SYNE3: variants seen among roughly 807,000 people sequenced by gnomAD.
SYNE3 encodes the protein spectrin repeat containing nuclear envelope family member 3.
In SYNE3, 100 loss-of-function variants were observed where a neutral mutation model predicts 111.2. That is an observed-to-expected ratio of 0.90 (90% CI 0.77 to 1.06). SYNE3 has a LOEUF of 1.06. SYNE3 is among the 50% of genes least tolerant of loss of function. SYNE3 has a pLI of 0.00. For synonymous variants in SYNE3, 547 were observed against 533.9 expected, an observed-to-expected ratio of 1.02 and a Z score of -0.34; for missense variants, 1,160 against 1,240.3, an observed-to-expected ratio of 0.94 and a Z score of 0.97.
rs1253324590 is a variant in SYNE3 at position 95,443,069 on chromosome 14, A to G, written c.1911+86T>C. 8 of 1,520,222 alleles carry G rather than the reference A, an allele frequency of 5.3e-6. No homozygotes were observed. The East Asian group carries it at 1.6e-4, about 30-fold the overall frequency. The allele number at this position is 1,520,222 out of a possible 1,614,324, so 94.2% of individuals were successfully genotyped here. ...AAGAGAGGTTAGAAGGAATGAAGGC[A>G]GGAAAGGGGAAGAAAGGCCCCAGGC... On this transcript the variant is annotated intron_variant, in intron 11 of 17. Transcript: ENST00000682763.
chr14:95,443,435 C>T, intron 10 of SYNE3, 146 bp from the exon 11 acceptor site: 3 of 1,010,026 alleles, frequency 3.0e-6, no homozygotes, highest in Non-Finnish European at 4.2e-6. Context: ...AGCGGAAGTA[C>T]CAACCACATG....
At position 95,410,697 on chromosome 14, in the gene SYNE3, G is replaced by A. The variant is rs1047186490; in HGVS notation, c.*7129C>T. The A allele has an allele frequency of 3.3e-5, 5 of 152,246 alleles. No individual in the cohort carries two copies. The highest frequency in any genetic ancestry group is 1.2e-4 in the African/African-American group (5 of 41,450). The allele number at this position is 152,246 out of a possible 1,614,324, so 9.4% of individuals were successfully genotyped here. A position where few individuals can be genotyped will look rare whatever the true frequency, so the allele number is the denominator to read the frequency against. ...CGCCTATATCTAGACTTCTCAGGAG[G>A]AGAGAAAAGTAAAGTCTCTGACTGG... On this transcript the variant is annotated 3_prime_UTR_variant, in exon 18 of 18. Transcript: ENST00000682763.
At chr14:95,457,673 A>G (rs564925541) in intron 4 of SYNE3, among the ~76,000 whole-genome samples, 1 of 152,308 alleles carries the variant, frequency 6.6e-6, no homozygotes, top group Admixed American at 6.5e-5. Context: ...GACTACTACT[A>G]CATCACACTG....
intron 1 of SYNE3, among the ~76,000 whole-genome samples, chr14:95,512,921 C>T (rs767120630): frequency 1.3e-5 from 2 of 152,120 alleles, no homozygotes; most frequent in African/African-American, 2.4e-5. Flanking sequence ...TACCACTGGA[C>T]TGAAGAAACA....
rs559456329 is a variant in SYNE3 at position 95,415,405 on chromosome 14, T to G, written c.*2421A>C. On this transcript the variant is annotated 3_prime_UTR_variant, in exon 18 of 18. Coordinates refer to ENST00000682763, the MANE Select transcript of SYNE3 (RefSeq NM_152592.6). ...GCCTGCAGAGAACGGCCCTATGGCT[T>G]GGTTTCCAGATATCTGGAGAAAAGT... 4 of 152,280 alleles carry G rather than the reference T, an allele frequency of 2.6e-5. No homozygotes were observed. The highest frequency in any genetic ancestry group is 9.6e-5 in the African/African-American group (4 of 41,564). The allele number at this position is 152,280 out of a possible 1,614,324, so 9.4% of individuals were successfully genotyped here.
chr14:95,480,225 C>T (rs973315737), intron 1 of SYNE3, among the ~76,000 whole-genome samples: 9 of 152,134 alleles, frequency 5.9e-5, no homozygotes, highest in African/African-American at 1.7e-4. Flanking sequence ...GGGCTCTAGG[C>T]GTGTCTCTGA....
chr14:95,479,450 G>C (rs192581124), intron 1 of SYNE3, among the ~76,000 whole-genome samples: 153 of 152,286 alleles, frequency 1.0e-3, no homozygotes, highest in African/African-American at 3.6e-3. Flanking sequence ...CAAACGCACA[G>C]GTGTTGGGTG....
chr14:95,473,887 T>A, intron 2 of SYNE3, among the ~76,000 whole-genome samples: 1 of 147,338 alleles, frequency 6.8e-6, no homozygotes, highest in East Asian at 2.0e-4. Context: ...GGTGTGACAG[T>A]GGCTGGAACT....
intron 4 of SYNE3, among the ~76,000 whole-genome samples, chr14:95,465,066 A>G (rs186425845): frequency 3.9e-5 from 6 of 152,358 alleles, no homozygotes; most frequent in Non-Finnish European, 4.4e-5. Flanking sequence ...ACTGTTTCCA[A>G]ATAAGGCAAG....
At position 95,475,717 on chromosome 14, in the gene SYNE3, T is replaced by C; in HGVS notation, c.105A>G (p.Gly35=). 8 of 1,602,468 alleles carry C rather than the reference T, an allele frequency of 5.0e-6. No homozygotes were observed. Among genetic ancestry groups the C allele is most frequent in the African/African-American group, 1.3e-5 (1 of 74,592 alleles). Residue 35 remains glycine (G), a synonymous_variant, in exon 2 of 18, where the codon GGA becomes GGG. Coordinates refer to ENST00000682763, the MANE Select transcript of SYNE3 (RefSeq NM_152592.6). Reference sequence around the variant, plus strand: ...GCCTGGCCTCCAGGGCCGCGCGGGGTCCCTGCGTGTTGTCATTGACCTGCA... The same window carrying C: ...GCCTGGCCTCCAGGGCCGCGCGGGGCCCCTGCGTGTTGTCATTGACCTGCA... ...DQLQVNDNTQ[G]PRAALEARLW...
At position 95,455,404 on chromosome 14, in the gene SYNE3, C is replaced by T. The variant is rs4905324; in HGVS notation, c.1110G>A (p.Glu370=). The change falls in exon 6 of 18, where the codon GAG becomes GAA. Residue 370 remains glutamate (E), a synonymous_variant. Coordinates refer to ENST00000682763, the MANE Select transcript of SYNE3 (RefSeq NM_152592.6). The part of the protein sequence containing the change: ...QPAAKAGTED[E]LVAHWRRYSA... ...AGTAGCGTCTCCAGTGTGCCACCAG[C>T]TCGTCCTCGGTCCCCGCTTTCGCCG... 780,157 of 1,551,996 alleles carry T rather than the reference C, an allele frequency of 0.5. 200,144 individuals carry two copies. The highest frequency in any genetic ancestry group is 0.68 in the Admixed American group (34,608 of 50,578).
At chr14:95,460,584 T>C (rs1887739019) in intron 4 of SYNE3, among the ~76,000 whole-genome samples, 1 of 151,604 alleles carries the variant, frequency 6.6e-6, no homozygotes, top group Non-Finnish European at 1.5e-5. Context: ...AAAGACAAAA[T>C]TCTTACAAAA....
intron 4 of SYNE3, among the ~76,000 whole-genome samples, chr14:95,462,206 G>A (rs936145639): frequency 2.0e-5 from 3 of 152,028 alleles, no homozygotes; most frequent in African/African-American, 4.8e-5. Context: ...AGGGGTCCGC[G>A]TGGCCCCTCC....
chr14:95,433,273 G>A lies in SYNE3; in HGVS notation c.2675C>T (p.Ser892Phe), dbSNP rs116642867. The A allele has an allele frequency of 1.0e-3, 1,682 of 1,613,948 alleles. 19 individuals are homozygous for A. The African/African-American group carries it at 0.02, about 19-fold the overall frequency. ...WMLYKSKLKD[S>F]GHLLTQSSPG... ...CTTGGCACCTACCAGCAGGTGGCCA[G>A]AGTCCTTCAGCTTGGACTTGTACAG... The change falls in exon 16 of 18, where the codon TCT becomes TTT. Residue 892 changes from serine to phenylalanine, a missense_variant. Physicochemically the swap from Ser to Phe is radical, Grantham distance 155. Transcript: ENST00000682763.
At chr14:95,506,973 C>T (rs1278022033) in intron 1 of SYNE3, among the ~76,000 whole-genome samples, 2 of 152,236 alleles carry the variant, frequency 1.3e-5, no homozygotes, top group East Asian at 3.8e-4. Context: ...GCACCAGTGA[C>T]GCCTTGCTCT....
chr14:95,472,263 C>T (rs1488239241), intron 2 of SYNE3, among the ~76,000 whole-genome samples: 4 of 152,226 alleles, frequency 2.6e-5, no homozygotes, highest in Non-Finnish European at 4.4e-5. Flanking sequence ...AGACGGTGGC[C>T]CAGAAGCTGG....
At chr14:95,477,969 G>A (rs944359882) in intron 1 of SYNE3, among the ~76,000 whole-genome samples, 2 of 152,208 alleles carry the variant, frequency 1.3e-5, no homozygotes, top group African/African-American at 4.8e-5. Context: ...CAGATGACAG[G>A]ACAGTGGGGA....
At chr14:95,514,779 C>G (rs1250285718) in intron 1 of SYNE3, among the ~76,000 whole-genome samples, 1 of 152,236 alleles carries the variant, frequency 6.6e-6, no homozygotes, top group African/African-American at 2.4e-5. Flanking sequence ...GCCTAGCTGC[C>G]CAGTGGGTTC....
At chr14:95,492,751 C>T (rs1889908230) in intron 1 of SYNE3, among the ~76,000 whole-genome samples, 1 of 152,094 alleles carries the variant, frequency 6.6e-6, no homozygotes, top group African/African-American at 2.4e-5. Context: ...CGAGGTGGCT[C>T]ATGCCTGTAA....
Sources: allele counts gnomAD v4.1 joint callset (sites outside exome capture counted in the v4.1 genomes callset), GRCh38; gene constraint gnomAD v4.1.1; transcripts MANE v1.5; gene names NCBI Gene and HGNC (gene_info 2026-07-23, HGNC 2026-07-21).